The following ZNF644 variants were observed in gnomAD, a reference collection of about 807,000 sequenced individuals.
ZNF644 encodes zinc finger motif enhancer binding protein 2.
A neutral mutation model predicts 108.0 loss-of-function variants in ZNF644; 20 were observed. The ratio of observed to expected loss-of-function variants is 0.19; its 90% CI spans 0.13 to 0.27. The LOEUF is 0.27. ZNF644 is among the 10% of genes least tolerant of loss of function. The pLI is 1.00. For missense variants in ZNF644, 1,338 were observed against 1,548.9 expected, an observed-to-expected ratio of 0.86 and a Z score of 2.29; for synonymous variants, 542 against 539.1, an observed-to-expected ratio of 1.01 and a Z score of -0.08.
rs892762127 is a variant in ZNF644 at position 91,009,514 on chromosome 1, T to C, written c.-18+12476A>G. On this transcript the variant is annotated intron_variant, in intron 1 of 5. Transcript: ENST00000337393. ...AGTATTCCCAAATGTTCCTAAATTT[T>C]AAAACAAGTATCTATTTAAAAACAA... Among the ~76,000 whole-genome samples, 4 of 152,184 alleles carry C rather than the reference T, an allele frequency of 2.6e-5. No individual in the cohort carries two copies. In the South Asian group the frequency reaches 6.2e-4, roughly 24 times the overall value.
chr1:90,985,753 T>C (rs1447183639), intron 1 of ZNF644, among the ~76,000 whole-genome samples: 1 of 152,196 alleles, frequency 6.6e-6, no homozygotes, highest in African/African-American at 2.4e-5. Context: ...AATAATGCTG[T>C]AGTGAACATG....
intron 1 of ZNF644, among the ~76,000 whole-genome samples, chr1:90,991,972 G>A (rs1657678010): frequency 6.6e-6 from 1 of 151,964 alleles, no homozygotes; most frequent in African/African-American, 2.4e-5. Flanking sequence ...AGAATATGTA[G>A]GACTGAACTA....
chr1:90,985,106 C>T (rs1483426686), intron 1 of ZNF644, among the ~76,000 whole-genome samples: 1 of 152,060 alleles, frequency 6.6e-6, no homozygotes, highest in Non-Finnish European at 1.5e-5. Context: ...GAAAAAAAAC[C>T]TTTTAACTGC....
intron 4 of ZNF644, among the ~76,000 whole-genome samples, chr1:90,923,876 GTTAAA>G (rs1649737484): frequency 6.6e-6 from 1 of 152,144 alleles, no homozygotes; most frequent in African/African-American, 2.4e-5. Context: ...AAAGTAGGAA[GTTAAA>G]TTAAGTATAG....
chr1:90,997,255 T>C (rs1316375461), intron 1 of ZNF644, among the ~76,000 whole-genome samples: 1 of 152,010 alleles, frequency 6.6e-6, no homozygotes, highest in Admixed American at 6.6e-5. Context: ...TAAGGCAGAG[T>C]TGTAAACTGC....
intron 4 of ZNF644, chr1:90,935,453 G>GT: frequency 1.0e-6 from 1 of 985,866 alleles, no homozygotes; most frequent in Non-Finnish European, 1.2e-6. Context: ...GCATAAGCGC[G>GT]TAAGTGGTTG....
chr1:90,953,558 T>G (rs79630025), intron 2 of ZNF644, among the ~76,000 whole-genome samples: 1,913 of 152,264 alleles, frequency 0.013, 39 homozygotes, highest in African/African-American at 0.044. Flanking sequence ...ATGTTTGTAC[T>G]ATACTGTTGT....
At position 90,940,300 on chromosome 1, in the gene ZNF644, C is replaced by T. The variant is rs759939447; in HGVS notation, c.1054G>A (p.Glu352Lys). ...LSKVKPESTD[E>K]DLESVDAFQH... ...AAGGCATCCACAGATTCTAAGTCTT[C>T]ATCAGTTGATTCAGGCTTCACTTTT... is the stretch of plus-strand genomic sequence containing the variant. Residue 352 changes from glutamate to lysine, a missense_variant, in exon 3 of 6, where the codon GAA (glutamate) becomes AAA (lysine). Transcript: ENST00000337393. 6.2e-7 allele frequency: 1 copy of T among 1,613,968 alleles called. No homozygotes were observed. The highest frequency in any genetic ancestry group is 1.3e-5 in the African/African-American group (1 of 75,034).
intron 4 of ZNF644, among the ~76,000 whole-genome samples, chr1:90,929,568 A>G (rs1372811671): frequency 6.6e-6 from 1 of 152,230 alleles, no homozygotes; most frequent in African/African-American, 2.4e-5. Flanking sequence ...ATTATTTTTA[A>G]AAGACACTAC....
chr1:90,918,086 G>A lies in ZNF644; in HGVS notation c.3757C>T (p.His1253Tyr), dbSNP rs768467862. 4 of 1,613,950 alleles carry A rather than the reference G, an allele frequency of 2.5e-6. No individual in the cohort carries two copies. The Admixed American group carries it at 5.0e-5, about 20-fold the overall frequency. The stretch of plus-strand genomic sequence containing the variant: ...AGAATGTAAACCTCGTCAGCACCAT[G>A]AGGTAATGTTAGCATTTTCTTCTTG... ...GSKKKMLTLP[H>Y]GADEVYILRC... Residue 1253 changes from histidine to tyrosine, a missense_variant, in exon 5 of 6, where the codon CAT (histidine) becomes TAT (tyrosine). His to Tyr is a moderately conservative substitution (Grantham distance 83, BLOSUM62 2). Around this residue, in one of 6 missense-constraint regions of ZNF644, gnomAD observed 287 missense variants for 310.9 expected, o/e 0.92. Transcript: ENST00000337393.
chr1:91,021,596 T>C (rs1311891041), intron 1 of ZNF644: 1 of 158,304 alleles, frequency 6.3e-6, no homozygotes, highest in Non-Finnish European at 1.4e-5. Context: ...TCAGCCCCTT[T>C]GTGTCCGCTA....
At chr1:90,931,649 C>T (rs1002508817) in intron 4 of ZNF644, among the ~76,000 whole-genome samples, 1 of 152,050 alleles carries the variant, frequency 6.6e-6, no homozygotes, top group African/African-American at 2.4e-5. Flanking sequence ...TGAAATTATT[C>T]TTTTATGACA....
At chr1:90,967,528 T>A (rs1655033754) in intron 2 of ZNF644, among the ~76,000 whole-genome samples, 2 of 152,180 alleles carry the variant, frequency 1.3e-5, no homozygotes, top group African/African-American at 4.8e-5. Context: ...TTGCATATGC[T>A]GTGTTGAACA....
rs900964610 is a variant in ZNF644, at chr1:91,000,549, G to A, written c.-17-18179C>T. On this transcript the variant is annotated intron_variant, in intron 1 of 5. Transcript: ENST00000337393. ...GACACATTTAAAGCAGTGTGTAGAG[G>A]GAAATTTATAGCACTAAATGCCCAC... Among the ~76,000 whole-genome samples the A allele has an allele frequency of 6.6e-5, 10 of 151,990 alleles. No individual in the cohort carries two copies. In the Middle Eastern group the frequency reaches 0.017, roughly 258 times the overall value.
At chr1:91,008,940 T>C (rs1659691917) in intron 1 of ZNF644, among the ~76,000 whole-genome samples, 1 of 152,068 alleles carries the variant, frequency 6.6e-6, no homozygotes. Context: ...GTACTGACCA[T>C]CAGAATTAAA....
chr1:90,956,244 T>C (rs1028808129), intron 2 of ZNF644, among the ~76,000 whole-genome samples: 3 of 152,168 alleles, frequency 2.0e-5, no homozygotes, highest in Non-Finnish European at 2.9e-5. Context: ...AATAAAAAGT[T>C]TGAAACACTG....
chr1:90,926,672 C>T (rs1436145536), intron 4 of ZNF644, among the ~76,000 whole-genome samples: 1 of 152,174 alleles, frequency 6.6e-6, no homozygotes, highest in Non-Finnish European at 1.5e-5. Flanking sequence ...TAACCATCCT[C>T]CTCCCACTCA....
At chr1:90,925,719 C>T (rs1218136043) in intron 4 of ZNF644, among the ~76,000 whole-genome samples, 1 of 151,904 alleles carries the variant, frequency 6.6e-6, no homozygotes, top group Non-Finnish European at 1.5e-5. Context: ...GATCACCTTC[C>T]TTATGAAACC....
Position 90,937,709 on chromosome 1 carries a change from T to C in ZNF644, c.3464A>G (p.Glu1155Gly), listed in dbSNP as rs1651484164. The change falls in exon 4 of 6, where the codon GAA becomes GGA. Residue 1155 changes from glutamate to glycine, a missense_variant. By Grantham distance (98) the Glu-to-Gly change is moderately conservative. Around this residue, in one of 6 missense-constraint regions of ZNF644, gnomAD observed 287 missense variants for 310.9 expected, o/e 0.92. Coordinates refer to ENST00000337393, the MANE Select transcript of ZNF644 (RefSeq NM_201269.3). Reference sequence around the variant, plus strand: ...CCCACTGGGCAGTTCTGGTTTTGTTTCATCATATTCATTTAAGAAATTCAG... The same window carrying C: ...CCCACTGGGCAGTTCTGGTTTTGTTCCATCATATTCATTTAAGAAATTCAG... ...EGLNFLNEYD[E>G]TKPELPSGKK... The C allele has an allele frequency of 1.2e-6, 2 of 1,613,954 alleles. No homozygotes were observed. The highest frequency in any genetic ancestry group is 1.1e-5 in the South Asian group (1 of 91,080).
Sources: gnomAD v4.1 joint callset for allele counts (sites outside exome capture counted in the v4.1 genomes callset) on GRCh38, gnomAD v4.1.1 for gene constraint, gnomAD v4.1.1 regional missense constraint, MANE v1.5 for transcripts, NCBI Gene and HGNC (gene_info 2026-07-23, HGNC 2026-07-21) for gene names.